Variants in UMAD1 observed in about 807,000 individuals in gnomAD.
UMAD1 encodes the protein UBAP1-MVB12-associated (UMA)-domain containing protein 1.
A neutral mutation model predicts 6.1 loss-of-function variants in UMAD1; 8 were observed. The observed-to-expected ratio is 1.30, with a 90% CI of 0.76 to 2.35. UMAD1 has a LOEUF of 2.35. Among genes scored for constraint, UMAD1 ranks in the 30% most tolerant of loss-of-function variants. UMAD1 has a pLI of 0.00. For missense variants in UMAD1, 130 were observed against 78.4 expected, an observed-to-expected ratio of 1.66 and a Z score of -2.49; for synonymous variants, 56 against 31.4, an observed-to-expected ratio of 1.78 and a Z score of -2.61.
intron 2 of UMAD1, among the ~76,000 whole-genome samples, chr7:7,710,072 C>G (rs574875695): frequency 6.6e-6 from 1 of 152,294 alleles, no homozygotes; most frequent in Non-Finnish European, 1.5e-5. Flanking sequence ...CAATTTGCCT[C>G]TCTCACTCAG....
intron 3 of UMAD1, among the ~76,000 whole-genome samples, chr7:7,854,697 G>T (rs1005444667): frequency 1.3e-5 from 2 of 152,048 alleles, no homozygotes; most frequent in African/African-American, 2.4e-5. Flanking sequence ...ACCCCTGGCC[G>T]CTCCCAGATC....
At chr7:7,841,624 T>C (rs1357411627) in intron 3 of UMAD1, among the ~76,000 whole-genome samples, 3 of 152,160 alleles carry the variant, frequency 2.0e-5, no homozygotes, top group Non-Finnish European at 4.4e-5. Context: ...CACATTTTTG[T>C]ACAATTGCAT....
At chr7:7,724,047 G>T (rs2115185935) in intron 2 of UMAD1, among the ~76,000 whole-genome samples, 1 of 152,288 alleles carries the variant, frequency 6.6e-6, no homozygotes, top group Non-Finnish European at 1.5e-5. Flanking sequence ...CTTGAATGAA[G>T]GGGAGGCCGG....
chr7:7,661,370 C>G (rs568772593), intron 1 of UMAD1, among the ~76,000 whole-genome samples: 6 of 152,272 alleles, frequency 3.9e-5, no homozygotes, highest in African/African-American at 1.4e-4. Context: ...AGTTATGATC[C>G]TTTGGAGGAG....
chr7:7,831,970 T>C (rs1783475865), intron 3 of UMAD1, among the ~76,000 whole-genome samples: 1 of 152,304 alleles, frequency 6.6e-6, no homozygotes, highest in East Asian at 1.9e-4. Context: ...TAGCCAATTG[T>C]GTGTGCAATT....
At chr7:7,643,069 C>A (rs1234259680) in intron 1 of UMAD1, among the ~76,000 whole-genome samples, 1 of 152,048 alleles carries the variant, frequency 6.6e-6, no homozygotes, top group African/African-American at 2.4e-5. Flanking sequence ...TCTCCCCCAA[C>A]CCACTAGAAA....
At chr7:7,844,039 T>G (rs1783737553) in intron 3 of UMAD1, among the ~76,000 whole-genome samples, 1 of 152,246 alleles carries the variant, frequency 6.6e-6, no homozygotes, top group African/African-American at 2.4e-5. Flanking sequence ...AATGAAGGAA[T>G]GCTTTTGCGT....
intron 2 of UMAD1, among the ~76,000 whole-genome samples, chr7:7,770,173 A>G (rs1452127848): frequency 6.6e-6 from 1 of 152,170 alleles, no homozygotes; most frequent in African/African-American, 2.4e-5. Context: ...AAGGAAATAG[A>G]TAATATCTGG....
intron 3 of UMAD1, among the ~76,000 whole-genome samples, chr7:7,816,256 C>G (rs1212202531): frequency 6.6e-6 from 1 of 152,192 alleles, no homozygotes; most frequent in Non-Finnish European, 1.5e-5. Context: ...AAAACCTATG[C>G]TTTGCATCGT....
At chr7:7,673,653 G>A (rs1274807615) in intron 2 of UMAD1, among the ~76,000 whole-genome samples, 200 bp downstream of exon 2, 7 of 151,764 alleles carry the variant, frequency 4.6e-5, no homozygotes, top group Admixed American at 6.6e-5. Flanking sequence ...CTTTTCTTCC[G>A]TGTTGATTTG....
At chr7:7,650,099 ACTT>A (rs1230828085) in intron 1 of UMAD1, among the ~76,000 whole-genome samples, 2 of 152,236 alleles carry the variant, frequency 1.3e-5, no homozygotes, top group Non-Finnish European at 2.9e-5. Flanking sequence ...GTCGAAAGTT[ACTT>A]TGGGTCAAGA....
chr7:7,700,702 A>T (rs1780438969), intron 2 of UMAD1, among the ~76,000 whole-genome samples: 1 of 152,238 alleles, frequency 6.6e-6, no homozygotes, highest in African/African-American at 2.4e-5. Context: ...AGCCTGGCCA[A>T]CATGGCAAAA....
At chr7:7,658,984 C>G (rs981478222) in intron 1 of UMAD1, among the ~76,000 whole-genome samples, 4 of 152,104 alleles carry the variant, frequency 2.6e-5, no homozygotes, top group Non-Finnish European at 5.9e-5. Context: ...AATTTCAGAA[C>G]TTGTTATTGG....
At chr7:7,732,443 T>C (rs1424684788) in intron 2 of UMAD1, among the ~76,000 whole-genome samples, 1 of 152,186 alleles carries the variant, frequency 6.6e-6, no homozygotes, top group East Asian at 1.9e-4. Flanking sequence ...ATTTGGGGTG[T>C]TTTAAAAATT....
At chr7:7,661,242 TC>T (rs1014679641) in intron 1 of UMAD1, among the ~76,000 whole-genome samples, 2 of 152,178 alleles carry the variant, frequency 1.3e-5, no homozygotes, top group Non-Finnish European at 2.9e-5. Flanking sequence ...GTTCTTAGCT[TC>T]CTTGCGTTGG....
chr7:7,796,808 C>T (rs1194749800), intron 2 of UMAD1, among the ~76,000 whole-genome samples: 1 of 152,128 alleles, frequency 6.6e-6, no homozygotes, highest in African/African-American at 2.4e-5. Flanking sequence ...CCCATGACTT[C>T]ACCCCACAAT....
At chr7:7,839,680 A>G (rs1179474869) in intron 3 of UMAD1, among the ~76,000 whole-genome samples, 2 of 152,228 alleles carry the variant, frequency 1.3e-5, no homozygotes, top group African/African-American at 4.8e-5. Context: ...AGGTAGTTTC[A>G]AGAACAAAGT....
intron 3 of UMAD1, among the ~76,000 whole-genome samples, chr7:7,809,886 A>G (rs1161903077): frequency 6.6e-6 from 1 of 152,074 alleles, no homozygotes; most frequent in Non-Finnish European, 1.5e-5. Context: ...TCAGATAGTT[A>G]TTGAAATGAA....
intron 2 of UMAD1, among the ~76,000 whole-genome samples, chr7:7,708,207 C>T (rs1033043829): frequency 4.6e-5 from 7 of 152,132 alleles, no homozygotes; most frequent in Non-Finnish European, 8.8e-5. Flanking sequence ...CCTTAACTGT[C>T]TGTAACTTAA....
Sources: allele counts gnomAD v4.1 joint callset (sites outside exome capture counted in the v4.1 genomes callset), GRCh38; gene constraint gnomAD v4.1.1; transcripts MANE v1.5; gene names NCBI Gene and HGNC (gene_info 2026-07-23, HGNC 2026-07-21).